The following RNF169 variants were observed in gnomAD, a reference collection of about 807,000 sequenced individuals.
The protein encoded by RNF169 is E3 ubiquitin-protein ligase RNF169.
Under a neutral mutation model 53.9 loss-of-function variants are expected in RNF169, and 24 were observed. That is an observed-to-expected ratio of 0.45 (90% CI 0.32 to 0.63). RNF169 has a LOEUF of 0.63. Ranked by LOEUF, RNF169 falls within the 20% of genes least tolerant of loss-of-function variation. The pLI is 0.04. For missense variants in RNF169, 883 were observed against 906.2 expected, an observed-to-expected ratio of 0.97 and a Z score of 0.33; for synonymous variants, 396 against 363.5, an observed-to-expected ratio of 1.09 and a Z score of -1.02.
intron 1 of RNF169, among the ~76,000 whole-genome samples, chr11:74,773,989 C>G (rs2035294450): frequency 6.6e-6 from 1 of 152,216 alleles, no homozygotes; most frequent in Non-Finnish European, 1.5e-5. Flanking sequence ...GCCAAGCACT[C>G]TGCCAGGTGC....
In RNF169 at chr11:74,835,791, C is replaced by CCCTGATGGCCGTGTGCTAAGT; in HGVS notation, c.1192_1212dup (p.Asp398_Pro404dup). ...CACCATGTACTCCTCCCAAGAGACT[C>CCCTGATGGCCGTGTGCTAAGT]CCTGATGGCCGTGTGCTAAGTCCTC... is the stretch of plus-strand genomic sequence containing the variant. On this transcript the variant is annotated inframe_insertion, in exon 6 of 6. Transcript: ENST00000299563. The CCCTGATGGCCGTGTGCTAAGT allele has an allele frequency of 6.2e-7, 1 of 1,614,196 alleles. No homozygotes were observed. Among genetic ancestry groups the CCCTGATGGCCGTGTGCTAAGT allele is most frequent in the Non-Finnish European group, 8.5e-7 (1 of 1,180,026 alleles).
At chr11:74,770,288 T>G (rs2035241491) in intron 1 of RNF169, among the ~76,000 whole-genome samples, 1 of 152,242 alleles carries the variant, frequency 6.6e-6, no homozygotes, top group African/African-American at 2.4e-5. Flanking sequence ...TCTTTTTTGA[T>G]GTATACTGCA....
At chr11:74,800,394 C>G (rs1030934261) in intron 2 of RNF169, among the ~76,000 whole-genome samples, 1 of 152,110 alleles carries the variant, frequency 6.6e-6, no homozygotes, top group East Asian at 1.9e-4. Flanking sequence ...ATATTTTACC[C>G]TAAGCTGAGA....
At chr11:74,819,651 G>A (rs1006238182) in intron 4 of RNF169, among the ~76,000 whole-genome samples, 5 of 152,162 alleles carry the variant, frequency 3.3e-5, no homozygotes, top group African/African-American at 1.2e-4. Flanking sequence ...AGGGCCTCTA[G>A]GAGGGAGGGC....
At chr11:74,796,805 T>C (rs989858726) in intron 2 of RNF169, among the ~76,000 whole-genome samples, 1 of 152,240 alleles carries the variant, frequency 6.6e-6, no homozygotes, top group Admixed American at 6.5e-5. Flanking sequence ...TTTCTTTGGA[T>C]TGGTTTCTCG....
chr11:74,751,112 C>A (rs1372654122), intron 1 of RNF169, among the ~76,000 whole-genome samples: 2 of 151,940 alleles, frequency 1.3e-5, no homozygotes, highest in African/African-American at 4.9e-5. Flanking sequence ...GTCAAGTGAT[C>A]CGCCCACCTC....
At chr11:74,765,564 G>A (rs910828176) in intron 1 of RNF169, among the ~76,000 whole-genome samples, 3 of 152,186 alleles carry the variant, frequency 2.0e-5, no homozygotes, top group Non-Finnish European at 4.4e-5. Context: ...ACTTTGGGAG[G>A]CCAAGGCGGG....
intron 4 of RNF169, among the ~76,000 whole-genome samples, chr11:74,821,179 CTCCT>C (rs1298756692): frequency 6.6e-6 from 1 of 152,190 alleles, no homozygotes; most frequent in Non-Finnish European, 1.5e-5. Flanking sequence ...GAAGGCTGCT[CTCCT>C]TCCATTTTTT....
chr11:74,808,859 C>T (rs1354082256), intron 2 of RNF169, among the ~76,000 whole-genome samples: 1 of 152,106 alleles, frequency 6.6e-6, no homozygotes, highest in Non-Finnish European at 1.5e-5. Context: ...TGTTTTCTCC[C>T]CAGCTGTGGA....
chr11:74,792,837 GATA>G (rs1319739827), intron 2 of RNF169, among the ~76,000 whole-genome samples: 5 of 152,162 alleles, frequency 3.3e-5, no homozygotes, highest in African/African-American at 1.2e-4. Context: ...GTGAAGCTAG[GATA>G]ATCTCATTGT....
At chr11:74,774,277 T>C (rs1426782079) in intron 1 of RNF169, among the ~76,000 whole-genome samples, 1 of 151,138 alleles carries the variant, frequency 6.6e-6, no homozygotes, top group African/African-American at 2.4e-5. Context: ...ACCCAGGAGG[T>C]TGAGGCTGCA....
intron 2 of RNF169, among the ~76,000 whole-genome samples, chr11:74,797,503 T>C (rs554593590): frequency 5.8e-4 from 88 of 152,364 alleles, no homozygotes; most frequent in African/African-American, 2.1e-3. Flanking sequence ...TCTTTCAAGA[T>C]AGATCTGTTT....
At chr11:74,822,668 T>G (rs930561340) in intron 4 of RNF169, among the ~76,000 whole-genome samples, 6 of 152,000 alleles carry the variant, frequency 3.9e-5, no homozygotes, top group Non-Finnish European at 8.8e-5. Flanking sequence ...TTCTCTCATT[T>G]CTCTGTCTAT....
At position 74,758,582 on chromosome 11, in the gene RNF169, A is replaced by C. The variant is rs1253919625; in HGVS notation, c.502+9200A>C. On this transcript the variant is annotated intron_variant, in intron 1 of 5. Coordinates refer to ENST00000299563, the MANE Select transcript of RNF169 (RefSeq NM_001098638.2). ...AGTGGCGGGATCTCGGCTCACTGCA[A>C]GCTCCGCCTCCCGGTTTCACGCCAT... Among the ~76,000 whole-genome samples the C allele has an allele frequency of 3.3e-5, 5 of 151,252 alleles. No homozygotes were observed. In the East Asian group the frequency reaches 7.7e-4, roughly 23 times the overall value.
At chr11:74,750,165 A>G (rs1273141326) in intron 1 of RNF169, among the ~76,000 whole-genome samples, 5 of 152,160 alleles carry the variant, frequency 3.3e-5, no homozygotes. Context: ...TCTTTCCCCT[A>G]ACACCAGCAG....
chr11:74,781,171 T>A (rs1468911097), intron 1 of RNF169, among the ~76,000 whole-genome samples: 1 of 152,224 alleles, frequency 6.6e-6, no homozygotes, highest in Non-Finnish European at 1.5e-5. Flanking sequence ...CTCAGTTGGA[T>A]CCTTGGAGGG....
At chr11:74,787,940 TTC>T (rs1368721638) in intron 1 of RNF169, among the ~76,000 whole-genome samples, 1 of 152,216 alleles carries the variant, frequency 6.6e-6, no homozygotes, top group Non-Finnish European at 1.5e-5. Flanking sequence ...TAATTTTATC[TTC>T]TCTCTTTTTT....
chr11:74,821,781 A>G (rs953152267), intron 4 of RNF169, among the ~76,000 whole-genome samples: 1 of 152,306 alleles, frequency 6.6e-6, no homozygotes, highest in East Asian at 1.9e-4. Flanking sequence ...GGTGATAGCT[A>G]AAGGGTATAG....
At chr11:74,789,763 T>G in intron 2 of RNF169, 64 bp downstream of exon 2, 1 of 1,084,510 alleles carries the variant, frequency 9.2e-7, no homozygotes, top group Admixed American at 2.0e-5. Context: ...TAAAGAATGC[T>G]TAGTGGGAGT....
Sources: gnomAD v4.1 joint callset for allele counts (sites outside exome capture counted in the v4.1 genomes callset) on GRCh38, gnomAD v4.1.1 for gene constraint, MANE v1.5 for transcripts, NCBI Gene and HGNC (gene_info 2026-07-23, HGNC 2026-07-21) for gene names.